The following GPALPP1 variants were observed in gnomAD, a reference collection of about 807,000 sequenced individuals.
The protein encoded by GPALPP1 is GPALPP motifs-containing protein 1.
Under a neutral mutation model 38.9 loss-of-function variants are expected in GPALPP1, and 30 were observed. The observed-to-expected ratio is 0.77, with a 90% confidence interval of 0.58 to 1.05. GPALPP1 has a LOEUF of 1.05. GPALPP1 is among the 50% of genes least tolerant of loss of function. GPALPP1 has a pLI of 0.00. For missense variants in GPALPP1, 384 were observed against 408.8 expected (o/e 0.94, Z 0.52); for synonymous variants, 120 against 139.2 (o/e 0.86, Z 0.97).
chr13:45,035,010 G>A (rs1258172269), downstream of GPALPP1: 7 of 145,700 alleles, frequency 4.8e-5, no homozygotes, highest in African/African-American at 1.6e-4. Flanking sequence ...AGGCTGGAGT[G>A]CAGTGGCGCC....
At chr13:44,996,999 C>A (rs183394076) in intron 1 of GPALPP1, among the ~76,000 whole-genome samples, 1 of 151,954 alleles carries the variant, frequency 6.6e-6, no homozygotes, top group Admixed American at 6.6e-5. Context: ...CTCATTCCCC[C>A]CTCCAGCTCC....
Position 44,989,553 on chromosome 13 carries a change from C to G in GPALPP1, c.-102C>G. On this transcript the variant is annotated 5_prime_UTR_variant, in exon 1 of 8. Coordinates refer to ENST00000379151, the MANE Select transcript of GPALPP1 (RefSeq NM_018559.5). The stretch of plus-strand genomic sequence containing the variant: ...CAGGCTTTACGTCATTTCTCGGCGC[C>G]GGGAAACCTGCCATTCTTCGCTGCT... The G allele has an allele frequency of 6.7e-7, 1 of 1,502,738 alleles. No individual in the cohort carries two copies. The highest frequency in any genetic ancestry group is 1.8e-5 in the Admixed American group (1 of 55,844). 93.1% of individuals were successfully genotyped at this position (1,502,738 alleles called of 1,614,324 possible). A position where few individuals can be genotyped will look rare whatever the true frequency, so the allele number is the denominator to read the frequency against.
chr13:45,035,191 G>A (rs1876368398), downstream of GPALPP1: 1 of 152,542 alleles, frequency 6.6e-6, no homozygotes, highest in South Asian at 2.1e-4. Context: ...CTCCTGACCT[G>A]TTGATCCATC....
At chr13:45,037,297 TG>T (rs1478438709) in exon 8 of GPALPP1, 1 of 152,248 alleles carries the variant, frequency 6.6e-6, no homozygotes, top group East Asian at 1.9e-4. Context: ...CAAATGAAGT[TG>T]CTTATGTATA....
chr13:44,994,966 G>A (rs767584194), intron 1 of GPALPP1, among the ~76,000 whole-genome samples: 9 of 151,760 alleles, frequency 5.9e-5, no homozygotes, highest in Admixed American at 1.3e-4. Flanking sequence ...CTATTCTCCT[G>A]CCTCAGCCTC....
At chr13:45,025,274 T>G (rs1875755378) in intron 7 of GPALPP1, among the ~76,000 whole-genome samples, 1 of 152,366 alleles carries the variant, frequency 6.6e-6, no homozygotes, top group East Asian at 1.9e-4. Context: ...CATTCAGTTC[T>G]TTGAACAATT....
intron 6 of GPALPP1, among the ~76,000 whole-genome samples, chr13:45,019,762 T>C (rs1436381479): frequency 2.6e-5 from 4 of 151,836 alleles, no homozygotes; most frequent in Non-Finnish European, 5.9e-5. Context: ...TAAGTCAAAC[T>C]CATCCTGAGT....
rs757344363 is a variant in GPALPP1 at position 45,015,391 on chromosome 13, G to A, written c.541-41G>A. The A allele has an allele frequency of 9.2e-6, 12 of 1,307,150 alleles. No homozygotes were observed. In the East Asian group the frequency reaches 9.6e-5, roughly 10 times the overall value. 81.0% of individuals were successfully genotyped at this position (1,307,150 alleles called of 1,614,324 possible). On this transcript the variant is annotated intron_variant, in intron 5 of 7. Coordinates refer to ENST00000379151, the MANE Select transcript of GPALPP1 (RefSeq NM_018559.5). ...ATATATATGTACTCATCTTATACAC[G>A]ATATGTACTTTCTATGCTGTGTTTT...
Position 45,020,327 on chromosome 13 carries a change from C to T in GPALPP1, c.706-3C>T, listed in dbSNP as rs1329636577. The T allele has an allele frequency of 8.0e-7, 1 of 1,252,846 alleles. No individual in the cohort carries two copies. The highest frequency in any genetic ancestry group is 1.2e-6 in the Non-Finnish European group (1 of 853,716). 77.6% of individuals were successfully genotyped at this position (1,252,846 alleles called of 1,614,324 possible). A position where few individuals can be genotyped will look rare whatever the true frequency, so the allele number is the denominator to read the frequency against. On this transcript the variant is annotated splice_polypyrimidine_tract_variant and splice_region_variant and intron_variant, in intron 6 of 7. Coordinates refer to ENST00000379151, the MANE Select transcript of GPALPP1 (RefSeq NM_018559.5). ...TAATGTGTTATCTGTGTTCATTCCT[C>T]AGGAAACACAAGAAGCAAGGAAGTC...
intron 1 of GPALPP1, among the ~76,000 whole-genome samples, chr13:44,998,421 C>T (rs2137957210): frequency 6.6e-6 from 1 of 152,264 alleles, no homozygotes. Context: ...CTGCCCTCAC[C>T]AGTCCACTGA....
intron 6 of GPALPP1, among the ~76,000 whole-genome samples, chr13:45,018,537 T>G (rs1875044778): frequency 6.6e-6 from 1 of 152,330 alleles, no homozygotes; most frequent in South Asian, 2.1e-4. Flanking sequence ...GGTTTTTATC[T>G]CCATTGTACC....
rs1875998199 is a variant in GPALPP1, at chr13:45,028,485, TG to T, written c.*485del. 1.3e-5 allele frequency: 2 copies of T among 153,910 alleles called. No homozygotes were observed. Among genetic ancestry groups the T allele is most frequent in the African/African-American group, 4.8e-5 (2 of 41,476 alleles). 9.5% of individuals were successfully genotyped at this position (153,910 alleles called of 1,614,324 possible). On this transcript the variant is annotated 3_prime_UTR_variant, in exon 8 of 8. Transcript: ENST00000379151. ...TGGTGATTAAGAAATTACATAAAGC[TG>T]GGTGCAGTGGCTCACGCCTGTAATC...
At chr13:45,006,076 C>A in intron 2 of GPALPP1, 126 bp from the exon 3 acceptor site, 2 of 562,608 alleles carry the variant, frequency 3.6e-6, no homozygotes, top group Non-Finnish European at 6.3e-6. Context: ...TTTTATTTGG[C>A]AGGATTAATT....
chr13:45,018,769 T>G (rs958655240), intron 6 of GPALPP1, among the ~76,000 whole-genome samples: 7 of 151,652 alleles, frequency 4.6e-5, no homozygotes, highest in Non-Finnish European at 7.4e-5. Context: ...GAGCATATGC[T>G]CTAGAATATT....
intron 1 of GPALPP1, among the ~76,000 whole-genome samples, chr13:45,000,281 T>C (rs180780177): frequency 3.9e-5 from 6 of 152,172 alleles, no homozygotes; most frequent in Admixed American, 3.3e-4. Context: ...AATTTAAAAA[T>C]TATCTGTGCA....
intron 6 of GPALPP1, among the ~76,000 whole-genome samples, chr13:45,018,987 ATATAAAT>A (rs1198902504): frequency 6.6e-4 from 7 of 10,632 alleles, no homozygotes; most frequent in Non-Finnish European, 4.6e-3. Flanking sequence ...ATATATATAC[ATATAAAT>A]ATATATACAT....
intron 2 of GPALPP1, among the ~76,000 whole-genome samples, chr13:45,004,926 G>A (rs944704350): frequency 1.3e-5 from 2 of 151,696 alleles, no homozygotes; most frequent in Admixed American, 6.6e-5. Flanking sequence ...AAAGTGCTGG[G>A]ATTACAAGCA....
chr13:45,034,257 G>T (rs1180870914), downstream of GPALPP1: 1 of 152,132 alleles, frequency 6.6e-6, no homozygotes, highest in Non-Finnish European at 1.5e-5. Flanking sequence ...TCCCTTATAG[G>T]GTATTCACAG....
rs772209266 is a variant in GPALPP1 at position 45,006,184 on chromosome 13, ATAC to A, written c.222-12_222-10del. 29 of 1,490,656 alleles carry A rather than the reference ATAC, an allele frequency of 1.9e-5. No homozygotes were observed. The highest frequency in any genetic ancestry group is 2.6e-5 in the Non-Finnish European group (28 of 1,082,408). The allele number at this position is 1,490,656 out of a possible 1,614,324, so 92.3% of individuals were successfully genotyped here. A position where few individuals can be genotyped will look rare whatever the true frequency, so the allele number is the denominator to read the frequency against. ...AATTTTGACATATATGCATAAAGTT[ATAC>A]TACTATGTTTTCAGAAAACAGAGGA... On this transcript the variant is annotated splice_polypyrimidine_tract_variant and intron_variant, in intron 2 of 7. Coordinates refer to ENST00000379151, the MANE Select transcript of GPALPP1 (RefSeq NM_018559.5).
Sources: allele counts gnomAD v4.1 joint callset (sites outside exome capture counted in the v4.1 genomes callset), GRCh38; gene constraint gnomAD v4.1.1; transcripts MANE v1.5; gene names NCBI Gene and HGNC (gene_info 2026-07-23, HGNC 2026-07-21).